The following HEATR6 variants were observed in gnomAD, a reference collection of about 807,000 sequenced individuals.
The protein encoded by HEATR6 is HEAT repeat containing 6.
A neutral mutation model predicts 132.8 loss-of-function variants in HEATR6; 106 were observed. That is an observed-to-expected ratio of 0.80 (90% CI 0.68 to 0.94). The LOEUF (loss-of-function observed/expected upper bound fraction) is 0.94, where lower values mean the gene tolerates loss of function less well. Ranked by LOEUF, HEATR6 falls within the 40% of genes least tolerant of loss-of-function variation. The pLI is 0.00. For missense variants in HEATR6, 1,339 were observed against 1,425.1 expected (o/e 0.94, Z 0.97); for synonymous variants, 529 against 537.8 (o/e 0.98, Z 0.23).
At chr17:60,072,699 C>G (rs2083276338) in intron 4 of HEATR6, among the ~76,000 whole-genome samples, 1 of 152,218 alleles carries the variant, frequency 6.6e-6, no homozygotes. Context: ...CTGGACAGCA[C>G]TGTGCTATGC....
At chr17:60,049,749 C>A (rs753104902) in intron 15 of HEATR6, 47 bp from the exon 16 acceptor site, 1 of 1,596,642 alleles carries the variant, frequency 6.3e-7, no homozygotes, top group Non-Finnish European at 8.5e-7. Flanking sequence ...GAAATAACTA[C>A]AAGCCAAAGG....
In HEATR6 at chr17:60,051,126, T is replaced by C; in HGVS notation, c.2290-149A>G. 2 of 864,464 alleles carry C rather than the reference T, an allele frequency of 2.3e-6. 1 individual carries two copies. Among genetic ancestry groups the C allele is most frequent in the Non-Finnish European group, 3.5e-6 (2 of 573,788 alleles). The allele number at this position is 864,464 out of a possible 1,614,324, so 53.5% of individuals were successfully genotyped here. The stretch of plus-strand genomic sequence containing the variant: ...GTTTTCATTGGTTCTTCTTCCACAG[T>C]GATGTAAGGACTTTGGTTTAAGCCT... On this transcript the variant is annotated intron_variant, in intron 14 of 19. Coordinates refer to ENST00000184956, the MANE Select transcript of HEATR6 (RefSeq NM_022070.5).
Position 60,043,944 on chromosome 17 carries a change from G to A in HEATR6, c.3165C>T (p.Asp1055=). Reference sequence around the variant, plus strand: ...ACTTGAATTCCAAAAAGTCTATGGTGTCTTCACTCTTCTGTAAAGCGGTGA... The same window carrying A: ...ACTTGAATTCCAAAAAGTCTATGGTATCTTCACTCTTCTGTAAAGCGGTGA... ...ALVTALQKSE[D]TIDFLEFKYC... is the part of the protein sequence containing the mutation. Residue 1055 remains aspartate (D), a synonymous_variant, in exon 20 of 20, where the codon GAC becomes GAT. Transcript: ENST00000184956. 1 of 1,614,128 alleles carries A rather than the reference G, an allele frequency of 6.2e-7. No individual in the cohort carries two copies. Among genetic ancestry groups the A allele is most frequent in the Non-Finnish European group, 8.5e-7 (1 of 1,180,032 alleles).
chr17:60,046,354 A>G, intron 18 of HEATR6, 125 bp from the exon 19 acceptor site: 1 of 655,486 alleles, frequency 1.5e-6, no homozygotes, highest in East Asian at 2.7e-5. Flanking sequence ...GGAACTCACA[A>G]GGTCTGCTCT....
chr17:60,072,269 C>T lies in HEATR6; in HGVS notation c.645G>A (p.Leu215=). The T allele has an allele frequency of 6.2e-7, 1 of 1,610,948 alleles. No individual in the cohort carries two copies. Among genetic ancestry groups the T allele is most frequent in the South Asian group, 1.1e-5 (1 of 90,698 alleles). Residue 215 remains leucine, a synonymous_variant, in exon 5 of 20, where the codon CTG becomes CTA. Coordinates refer to ENST00000184956, the MANE Select transcript of HEATR6 (RefSeq NM_022070.5). The part of the protein sequence containing the change: ...PYQNVCFQAF[L]TILQSPKSSD... ...ATGATTTTGGAGACTGTAAAATAGTCAGAAAAGCTTGGAAACAGACATTTT... is the reference window on the plus strand; with the variant it reads ...ATGATTTTGGAGACTGTAAAATAGTTAGAAAAGCTTGGAAACAGACATTTT...
At chr17:60,072,849 G>C (rs2083276962) in intron 4 of HEATR6, among the ~76,000 whole-genome samples, 1 of 152,146 alleles carries the variant, frequency 6.6e-6, no homozygotes, top group Admixed American at 6.5e-5. Flanking sequence ...CTTAAAATTT[G>C]CATGAATATA....
At position 60,078,596 on chromosome 17, in the gene HEATR6, G is replaced by A. The variant is rs1361994178; in HGVS notation, c.219+100C>T. 8.9e-6 allele frequency: 8 copies of A among 898,418 alleles called. No homozygotes were observed. The East Asian group carries it at 2.1e-4, about 24-fold the overall frequency. The allele number at this position is 898,418 out of a possible 1,614,324, so 55.7% of individuals were successfully genotyped here. A position where few individuals can be genotyped will look rare whatever the true frequency, so the allele number is the denominator to read the frequency against. ...CGCCATCCTGAAACTAAATCATCAG[G>A]CGCGAGAGTGGGAAGATCAGGGAAA... On this transcript the variant is annotated intron_variant, in intron 1 of 19. Transcript: ENST00000184956.
chr17:60,048,999 T>TATATATATATATA (rs1906481414), intron 16 of HEATR6, among the ~76,000 whole-genome samples: 1 of 128,554 alleles, frequency 7.8e-6, no homozygotes, highest in South Asian at 2.3e-4. Flanking sequence ...TATATATATA[T>TATATATATATATA]ATATATATAT....
chr17:60,060,302 C>T (rs992579536), intron 9 of HEATR6, among the ~76,000 whole-genome samples: 1 of 152,054 alleles, frequency 6.6e-6, no homozygotes, highest in African/African-American at 2.4e-5. Flanking sequence ...ATTTTAGAGA[C>T]ACAGTCTCGC....
intron 2 of HEATR6, among the ~76,000 whole-genome samples, chr17:60,075,213 T>C (rs2083290397): frequency 6.6e-6 from 1 of 152,192 alleles, no homozygotes; most frequent in African/African-American, 2.4e-5. Flanking sequence ...TGTCCAGAAT[T>C]GGCACAGCCA....
chr17:60,074,013 A>G, intron 2 of HEATR6, 127 bp from the exon 3 acceptor site: 1 of 1,419,536 alleles, frequency 7.0e-7, no homozygotes, highest in Non-Finnish European at 9.2e-7. Context: ...TTATGTGTCA[A>G]AAGGATCACC....
At chr17:60,049,530 G>T in intron 16 of HEATR6, 50 bp downstream of exon 16, 1 of 1,607,964 alleles carries the variant, frequency 6.2e-7, no homozygotes. Context: ...AAATAGGGGT[G>T]TCATGGACTA....
intron 1 of HEATR6, 137 bp downstream of exon 1, chr17:60,078,559 T>G: frequency 1.5e-6 from 1 of 686,322 alleles, no homozygotes; most frequent in Non-Finnish European, 2.4e-6. Context: ...TGTGCCAAGG[T>G]TGGAGGGGGC....
chr17:60,057,309 T>C lies in HEATR6; in HGVS notation c.1818A>G (p.Pro606=), dbSNP rs188053365. 3.7e-6 allele frequency: 6 copies of C among 1,614,142 alleles called. No individual in the cohort carries two copies. Among genetic ancestry groups the C allele is most frequent in the East Asian group, 4.5e-5 (2 of 44,880 alleles). ...LPEVQLLLQQ[P]CSSGLGNSNS... ...TGCTATTACCGAGTCCAGAAGAACA[T>C]GGCTGTTGCAGAAGTAGTTGGACTT... Residue 606 remains proline (P), a synonymous_variant, in exon 12 of 20, where the codon CCA becomes CCG. Transcript: ENST00000184956.
In HEATR6 at chr17:60,049,568, G is replaced by A. The variant is rs751764996; in HGVS notation, c.2547+12C>T. 10 of 1,613,212 alleles carry A rather than the reference G, an allele frequency of 6.2e-6. No individual in the cohort carries two copies. Among genetic ancestry groups the A allele is most frequent in the Non-Finnish European group, 8.5e-6 (10 of 1,179,408 alleles). Reference sequence around the variant, plus strand: ...AAAGGGGCACAGAAGAGCTAAATAGGCTCACTCTGACCTGTCTGAGACAGG... The same window carrying A: ...AAAGGGGCACAGAAGAGCTAAATAGACTCACTCTGACCTGTCTGAGACAGG... On this transcript the variant is annotated intron_variant, in intron 16 of 19. Coordinates refer to ENST00000184956, the MANE Select transcript of HEATR6 (RefSeq NM_022070.5).
chr17:60,061,311 A>G (rs1015708250), intron 9 of HEATR6, among the ~76,000 whole-genome samples: 1 of 152,236 alleles, frequency 6.6e-6, no homozygotes, highest in African/African-American at 2.4e-5. Flanking sequence ...AGTCGTAGAA[A>G]TCTAGACTTA....
intron 19 of HEATR6, 140 bp from the exon 20 acceptor site, chr17:60,044,274 G>C (rs1906289091): frequency 1.5e-6 from 1 of 668,616 alleles, no homozygotes; most frequent in Non-Finnish European, 2.5e-6. Context: ...CAATCATCCT[G>C]TAAGACAAGG....
chr17:60,060,139 G>C, intron 9 of HEATR6, 43 bp from the exon 10 acceptor site: 2 of 1,330,732 alleles, frequency 1.5e-6, no homozygotes, highest in Non-Finnish European at 1.1e-6. Flanking sequence ...TGAAAATTAG[G>C]AGTCAGATTC....
In HEATR6 at chr17:60,072,237, A is replaced by G. The variant is rs1286053052; in HGVS notation, c.677T>C (p.Met226Thr). 6 of 1,588,904 alleles carry G rather than the reference A, an allele frequency of 3.8e-6. No homozygotes were observed. Among genetic ancestry groups the G allele is most frequent in the African/African-American group, 2.7e-5 (2 of 74,324 alleles). Residue 226 changes from methionine to threonine, a missense_variant, in exon 5 of 20, where the codon ATG becomes ACG. Physicochemically the swap from Met to Thr is moderately conservative, Grantham distance 81. Transcript: ENST00000184956. Reference protein sequence around the residue: ...TILQSPKSSDMDDITFCMLLQ... With the variant: ...TILQSPKSSDTDDITFCMLLQ... ...TACCATGCAAAATGTGATATCATCCATATCAGATGATTTTGGAGACTGTAA... is the reference window on the plus strand; with the variant it reads ...TACCATGCAAAATGTGATATCATCCGTATCAGATGATTTTGGAGACTGTAA...
Sources: gnomAD v4.1 joint callset for allele counts (sites outside exome capture counted in the v4.1 genomes callset) on GRCh38, gnomAD v4.1.1 for gene constraint, MANE v1.5 for transcripts, NCBI Gene and HGNC (gene_info 2026-07-23, HGNC 2026-07-21) for gene names.